The following DDR2 variants were observed in gnomAD, a reference collection of about 807,000 sequenced individuals.
DDR2 encodes the protein discoidin domain-containing receptor 2.
DDR2 carries 27 observed loss-of-function variants against 94.9 expected under a neutral mutation model. That is an observed-to-expected ratio of 0.28 (90% CI 0.21 to 0.39). The LOEUF (loss-of-function observed/expected upper bound fraction) is 0.39. Among genes scored for constraint, DDR2 ranks in the 10% least tolerant of loss-of-function variants. The probability of loss-of-function intolerance (pLI) is 1.00; values close to 1 mark genes in which losing one functional copy is unlikely to be tolerated. For missense variants in DDR2, 783 were observed against 1,076.0 expected (o/e 0.73, Z 3.81); for synonymous variants, 382 against 377.2 (o/e 1.01, Z -0.15).
In DDR2 at chr1:162,641,121, T is replaced by A. The variant is rs145906716; in HGVS notation, c.-192+8490T>A. 3.9e-5 allele frequency among the ~76,000 whole-genome samples: 6 copies of A among 152,202 alleles called. No individual in the cohort carries two copies. In the East Asian group the frequency reaches 1.2e-3, roughly 29 times the overall value. The stretch of plus-strand genomic sequence containing the variant: ...AGTGATGGGCCAAGGGTTAATAGGG[T>A]GAGATTCTAATTTTAACTTTGCCAC... On this transcript the variant is annotated intron_variant, in intron 1 of 17. Coordinates refer to ENST00000367921, the MANE Select transcript of DDR2 (RefSeq NM_006182.4).
intron 3 of DDR2, among the ~76,000 whole-genome samples, chr1:162,728,229 T>G (rs1445508276): frequency 1.4e-5 from 2 of 147,162 alleles, no homozygotes; most frequent in Admixed American, 6.9e-5. Context: ...TAGATAGATA[T>G]ATCTTTATAT....
intron 3 of DDR2, among the ~76,000 whole-genome samples, chr1:162,744,133 T>C (rs1405163069): frequency 6.6e-6 from 1 of 152,240 alleles, no homozygotes; most frequent in Non-Finnish European, 1.5e-5. Context: ...TTCCTTATGA[T>C]GATAATCATA....
intron 2 of DDR2, among the ~76,000 whole-genome samples, chr1:162,698,556 G>A (rs754478248): frequency 5.3e-5 from 8 of 152,218 alleles, no homozygotes; most frequent in South Asian, 4.2e-4. Flanking sequence ...GGGGGGAATC[G>A]TTTCCATTTC....
chr1:162,715,551 A>G (rs1661127329), intron 2 of DDR2, among the ~76,000 whole-genome samples: 1 of 152,186 alleles, frequency 6.6e-6, no homozygotes, highest in Non-Finnish European at 1.5e-5. Flanking sequence ...AGGTAGGTGG[A>G]GCCCAGATCA....
chr1:162,633,515 TA>T (rs1165329846), intron 1 of DDR2, among the ~76,000 whole-genome samples: 1 of 152,154 alleles, frequency 6.6e-6, no homozygotes, highest in South Asian at 2.1e-4. Context: ...TCCACAGATG[TA>T]AAAAATGATA....
chr1:162,730,058 C>CTTTTTTAA (rs1661953788), intron 3 of DDR2, among the ~76,000 whole-genome samples: 1 of 64,188 alleles, frequency 1.6e-5, no homozygotes, highest in Admixed American at 1.8e-4. Flanking sequence ...TTTTTTTTTG[C>CTTTTTTAA]AAAAAAAAAA....
intron 1 of DDR2, among the ~76,000 whole-genome samples, chr1:162,646,494 G>A (rs1657413972): frequency 6.6e-6 from 1 of 152,164 alleles, no homozygotes; most frequent in Non-Finnish European, 1.5e-5. Flanking sequence ...TATTTTACAT[G>A]TGAGGACACA....
chr1:162,769,855 A>G (rs910826100), intron 11 of DDR2, among the ~76,000 whole-genome samples: 14 of 152,192 alleles, frequency 9.2e-5, no homozygotes, highest in Non-Finnish European at 1.8e-4. Context: ...CAAAATGATC[A>G]AGTAGAACTA....
chr1:162,704,614 A>G (rs915628404), intron 2 of DDR2, among the ~76,000 whole-genome samples: 1 of 152,186 alleles, frequency 6.6e-6, no homozygotes, highest in African/African-American at 2.4e-5. Flanking sequence ...TATGGATGGC[A>G]TGTTCTCACT....
intron 2 of DDR2, among the ~76,000 whole-genome samples, chr1:162,709,360 G>T (rs1470465320): frequency 1.3e-5 from 2 of 152,202 alleles, no homozygotes; most frequent in African/African-American, 2.4e-5. Flanking sequence ...AGGAAGTTGG[G>T]CTAATAGGGA....
intron 1 of DDR2, among the ~76,000 whole-genome samples, chr1:162,639,712 G>A (rs1192918586): frequency 6.6e-6 from 1 of 152,214 alleles, no homozygotes; most frequent in Non-Finnish European, 1.5e-5. Context: ...ACCACAGGTT[G>A]AGAAAAATAC....
chr1:162,632,287 CT>C (rs1243488660), upstream of DDR2, among the ~76,000 whole-genome samples: 1 of 152,126 alleles, frequency 6.6e-6, no homozygotes, highest in African/African-American at 2.4e-5. Flanking sequence ...TAAATTATAG[CT>C]TTGCCCATAG....
At chr1:162,763,319 C>T (rs10917593) in intron 9 of DDR2, among the ~76,000 whole-genome samples, 19,330 of 126,340 alleles carry the variant, frequency 0.15, 1,699 homozygotes, top group African/African-American at 0.21. Context: ...ATTACAGGTG[C>T]CTGCTACCAC....
chr1:162,696,382 C>A (rs1660192123), intron 2 of DDR2, among the ~76,000 whole-genome samples: 1 of 152,012 alleles, frequency 6.6e-6, no homozygotes, highest in African/African-American at 2.4e-5. Context: ...GAACAGCTGG[C>A]CATCTCCCCC....
chr1:162,769,587 A>G (rs557851152), intron 11 of DDR2, among the ~76,000 whole-genome samples: 79 of 152,338 alleles, frequency 5.2e-4, no homozygotes, highest in African/African-American at 1.8e-3. Flanking sequence ...TGTTTGTTGG[A>G]GTGGAGCATT....
chr1:162,726,755 G>C (rs1403958310), intron 3 of DDR2, among the ~76,000 whole-genome samples: 1 of 152,084 alleles, frequency 6.6e-6, no homozygotes, highest in African/African-American at 2.4e-5. Flanking sequence ...GAAAGACTAA[G>C]AGTCTACAGA....
intron 2 of DDR2, among the ~76,000 whole-genome samples, chr1:162,687,561 G>A (rs1571199294): frequency 6.6e-6 from 1 of 152,152 alleles, no homozygotes; most frequent in East Asian, 1.9e-4. Flanking sequence ...CTTAGGAAAA[G>A]AGCTCTAATG....
intron 1 of DDR2, among the ~76,000 whole-genome samples, chr1:162,635,662 C>T (rs1389275397): frequency 3.9e-5 from 6 of 152,204 alleles, no homozygotes; most frequent in Admixed American, 1.3e-4. Context: ...CCAGCATCCC[C>T]AGGCATCCCA....
At chr1:162,661,111 G>T (rs960520263) in intron 2 of DDR2, among the ~76,000 whole-genome samples, 1 of 152,066 alleles carries the variant, frequency 6.6e-6, no homozygotes. Flanking sequence ...ACCCACAAAG[G>T]GTCTTGAGCC....
Sources: gnomAD v4.1 joint callset for allele counts (sites outside exome capture counted in the v4.1 genomes callset) on GRCh38, gnomAD v4.1.1 for gene constraint, MANE v1.5 for transcripts, NCBI Gene and HGNC (gene_info 2026-07-23, HGNC 2026-07-21) for gene names.